ATAD3B: variants seen among roughly 807,000 people sequenced by gnomAD.
The protein encoded by ATAD3B is ATPase family AAA domain-containing protein 3B.
Under a neutral mutation model 70.2 loss-of-function variants are expected in ATAD3B, and 59 were observed. That is an observed-to-expected ratio of 0.84 (90% CI 0.68 to 1.04). The LOEUF (loss-of-function observed/expected upper bound fraction) is 1.04, where lower values mean the gene tolerates loss of function less well. ATAD3B is among the 50% of genes least tolerant of loss of function. ATAD3B has a pLI of 0.00. For synonymous variants in ATAD3B, 423 were observed against 388.6 expected, an observed-to-expected ratio of 1.09 and a Z score of -1.04; for missense variants, 961 against 913.4, an observed-to-expected ratio of 1.05 and a Z score of -0.67.
Position 1,472,045 on chromosome 1 carries a change from G to T in ATAD3B, c.161G>T (p.Gly54Val). The T allele has an allele frequency of 3.3e-6, 4 of 1,226,146 alleles. No homozygotes were observed. In the East Asian group the frequency reaches 1.1e-4, roughly 33 times the overall value. The allele number at this position is 1,226,146 out of a possible 1,614,324, so 76.0% of individuals were successfully genotyped here. ...AAATGGAGCAACTTCGACCCCACCG[G>T]CCTGGAGCGCGCCGCCAAGGCGGCG... ...KDKWSNFDPT[G>V]LERAAKAARE... The change falls in exon 1 of 16, where the codon GGC becomes GTC. Residue 54 changes from glycine to valine, a missense_variant. Physicochemically the swap from Gly to Val is moderately radical, Grantham distance 109. Coordinates refer to ENST00000673477, the MANE Select transcript of ATAD3B (RefSeq NM_031921.6).
intron 11 of ATAD3B, among the ~76,000 whole-genome samples, chr1:1,487,452 C>T (rs1158175343): frequency 6.7e-6 from 1 of 150,274 alleles, no homozygotes; most frequent in Admixed American, 6.7e-5. Context: ...TGCGCCACTG[C>T]ACTCCAGCCT....
In ATAD3B at chr1:1,482,741, C is replaced by T. The variant is rs767839210; in HGVS notation, c.750+127C>T. 6.4e-5 allele frequency: 93 copies of T among 1,458,208 alleles called. 1 individual carries two copies. Among genetic ancestry groups the T allele is most frequent in the Non-Finnish European group, 8.3e-5 (88 of 1,056,778 alleles). The allele number at this position is 1,458,208 out of a possible 1,614,324, so 90.3% of individuals were successfully genotyped here. On this transcript the variant is annotated intron_variant, in intron 7 of 15. Coordinates refer to ENST00000673477, the MANE Select transcript of ATAD3B (RefSeq NM_031921.6). The stretch of plus-strand genomic sequence containing the variant: ...GTAGCTCTCCCAGCACAGAGCAAAC[C>T]CACGTTGTACCTGCTGGGCTCGGCT...
rs1019840605 is a variant in ATAD3B, at chr1:1,497,677, T to C, written c.*1860T>C. On this transcript the variant is annotated 3_prime_UTR_variant, in exon 16 of 16. Transcript: ENST00000673477. ...GTCAGGAGTTTGAGACCATCCTGGC[T>C]AACGTGGCAAAACCCCGTCTCTACT... The C allele has an allele frequency of 6.6e-6, 1 of 151,212 alleles. No homozygotes were observed. Among genetic ancestry groups the C allele is most frequent in the Non-Finnish European group, 1.5e-5 (1 of 67,940 alleles). 9.4% of individuals were successfully genotyped at this position (151,212 alleles called of 1,614,324 possible).
At chr1:1,482,816 C>T in intron 7 of ATAD3B, 1 of 763,918 alleles carries the variant, frequency 1.3e-6, no homozygotes, top group Non-Finnish European at 2.2e-6. Flanking sequence ...CCAGCCTGGG[C>T]CACACGGTGA....
chr1:1,495,652 C>G lies in ATAD3B; in HGVS notation c.1782C>G (p.Thr594=). 2 of 1,612,928 alleles carry G rather than the reference C, an allele frequency of 1.2e-6. No individual in the cohort carries two copies. The highest frequency in any genetic ancestry group is 2.2e-5 in the South Asian group (2 of 90,986). ...PLSGVQGETL[T]SWSLATDPSY... ...CCGGAGTCCAAGGCGAGACCCTCAC[C>G]TCATGGAGCCTGGCCACGGACCCCT... The change falls in exon 16 of 16, where the codon ACC becomes ACG. Residue 594 remains threonine, a synonymous_variant. Transcript: ENST00000673477.
At chr1:1,500,235 A>C (rs1031700399), downstream of ATAD3B, among the ~76,000 whole-genome samples, 4 of 145,688 alleles carry the variant, frequency 2.7e-5, no homozygotes, top group African/African-American at 1.0e-4. Flanking sequence ...CTTTTGTTGA[A>C]AACCTTGGGA....
rs1640168351 is a variant in ATAD3B at position 1,485,656 on chromosome 1, GGGC to G, written c.907-125_907-123del. ...CCCGGCGGGGCAGGGTTCCAGCTCC[GGGC>G]CGGTCCTGGCTGTGCTTTGGGGCAG... On this transcript the variant is annotated intron_variant, in intron 8 of 15. Transcript: ENST00000673477. 4 of 1,458,504 alleles carry G rather than the reference GGGC, an allele frequency of 2.7e-6. No individual in the cohort carries two copies. The South Asian group carries it at 5.0e-5, about 18-fold the overall frequency. The allele number at this position is 1,458,504 out of a possible 1,614,324, so 90.3% of individuals were successfully genotyped here.
the ATAD3B span, chr1:1,503,270 C>A: frequency 3.4e-6 from 1 of 294,188 alleles, no homozygotes; most frequent in South Asian, 5.3e-5. Flanking sequence ...ATAAAATGGA[C>A]ACTTTACCCA....
downstream of ATAD3B, among the ~76,000 whole-genome samples, chr1:1,500,572 T>G (rs941034819): frequency 6.7e-6 from 1 of 149,624 alleles, no homozygotes; most frequent in Non-Finnish European, 1.5e-5. Flanking sequence ...AAAAAAATTA[T>G]CCTGTGCTAT....
At chr1:1,473,695 C>G (rs1639447757) in intron 1 of ATAD3B, among the ~76,000 whole-genome samples, 1 of 145,412 alleles carries the variant, frequency 6.9e-6, no homozygotes, top group Admixed American at 6.9e-5. Context: ...GTGGTTTCAC[C>G]ACCTTGGCCA....
At chr1:1,484,679 C>G (rs1416211403) in intron 7 of ATAD3B, 1 of 326,418 alleles carries the variant, frequency 3.1e-6, no homozygotes, top group Non-Finnish European at 5.4e-6. Context: ...AATAAAGTAC[C>G]ATTTTTAGTG....
At position 1,486,170 on chromosome 1, in the gene ATAD3B, C is replaced by T. The variant is rs1557807620; in HGVS notation, c.1024C>T (p.Arg342Trp). Residue 342 changes from arginine (R) to tryptophan (W), a missense_variant, in exon 10 of 16, where the codon CGG becomes TGG. This residue lies in a region of ATAD3B where 349 missense variants were observed against 307.5 expected (regional missense o/e 1.14). Transcript: ENST00000673477. ...AIATRNTKKN[R>W]GLYRHILLYG... ...AGCAACCAGGAACACCAAGAAGAACCGGGGCCTGTACAGGCACATCCTGCT... is the reference window on the plus strand; with the variant it reads ...AGCAACCAGGAACACCAAGAAGAACTGGGGCCTGTACAGGCACATCCTGCT... 38 of 1,613,174 alleles carry T rather than the reference C, an allele frequency of 2.4e-5. No homozygotes were observed. The highest frequency in any genetic ancestry group is 7.7e-5 in the South Asian group (7 of 91,018).
rs536170969 is a variant in ATAD3B at position 1,490,686 on chromosome 1, G to A, written c.1614+15G>A. 2.8e-5 allele frequency: 44 copies of A among 1,563,040 alleles called. 1 individual carries two copies. Among genetic ancestry groups the A allele is most frequent in the South Asian group, 8.2e-5 (7 of 85,452 alleles). On this transcript the variant is annotated intron_variant, in intron 15 of 15. Coordinates refer to ENST00000673477, the MANE Select transcript of ATAD3B (RefSeq NM_031921.6). ...TGTCCTGGCAGGTGAGTCAGGCTCC[G>A]GCACGTCCACCCAGACGGGACCCCA...
rs764144558 is a variant in ATAD3B at position 1,490,250 on chromosome 1, C to T, written c.1338-7C>T. 8 of 1,611,088 alleles carry T rather than the reference C, an allele frequency of 5.0e-6. No individual in the cohort carries two copies. In the African/African-American group the frequency reaches 6.7e-5, roughly 13 times the overall value. ...CCAGCGTTTCCTTCCCCATCCCTGTCCTACAGATTCATGCTGGTCCTGGCC... is the reference window on the plus strand; with the variant it reads ...CCAGCGTTTCCTTCCCCATCCCTGTTCTACAGATTCATGCTGGTCCTGGCC... On this transcript the variant is annotated splice_region_variant and splice_polypyrimidine_tract_variant and intron_variant, in intron 13 of 15. Transcript: ENST00000673477.
downstream of ATAD3B, among the ~76,000 whole-genome samples, chr1:1,501,939 C>T (rs1382525581): frequency 6.6e-6 from 1 of 151,742 alleles, no homozygotes; most frequent in African/African-American, 2.4e-5. Context: ...AGTATAGTGT[C>T]ACTGTGTTGG....
intron 15 of ATAD3B, among the ~76,000 whole-genome samples, chr1:1,495,139 C>G (rs372040523): frequency 1.2e-4 from 18 of 152,072 alleles, no homozygotes; most frequent in African/African-American, 4.3e-4. Flanking sequence ...CCCGGGGGCA[C>G]TGCCTGGCCA....
At chr1:1,488,556 C>T (rs1485774069) in intron 12 of ATAD3B, among the ~76,000 whole-genome samples, 2 of 151,976 alleles carry the variant, frequency 1.3e-5, no homozygotes, top group Non-Finnish European at 2.9e-5. Context: ...GTCAGGAGTT[C>T]AAGACCAGCT....
chr1:1,490,847 G>A (rs1306169731), intron 15 of ATAD3B, among the ~76,000 whole-genome samples, 176 bp downstream of exon 15: 6 of 152,088 alleles, frequency 3.9e-5, no homozygotes, highest in Non-Finnish European at 5.9e-5. Flanking sequence ...ACGCAGCAGC[G>A]TGCACCTGCT....
intron 4 of ATAD3B, among the ~76,000 whole-genome samples, chr1:1,480,072 C>T (rs1456651810): frequency 2.0e-5 from 3 of 146,988 alleles, no homozygotes; most frequent in African/African-American, 7.6e-5. Flanking sequence ...CACACAGTCC[C>T]ACACATGGGC....
Sources: allele counts gnomAD v4.1 joint callset (sites outside exome capture counted in the v4.1 genomes callset), GRCh38; gene constraint gnomAD v4.1.1; regional missense constraint gnomAD v4.1.1; transcripts MANE v1.5; gene names NCBI Gene and HGNC (gene_info 2026-07-23, HGNC 2026-07-21).